The following PPM1K variants were observed in gnomAD, a reference collection of about 807,000 sequenced individuals.
PPM1K encodes protein phosphatase, Mg2+/Mn2+ dependent 1K, also known as protein phosphatase Mn(2+)-dependent 1K.
PPM1K carries 19 observed loss-of-function variants against 32.6 expected under a neutral mutation model. That is an observed-to-expected ratio of 0.58 (90% confidence interval 0.41 to 0.86). The LOEUF (loss-of-function observed/expected upper bound fraction) is 0.86, where lower values mean the gene tolerates loss of function less well. PPM1K is among the 40% of genes least tolerant of loss of function. The pLI, the probability that PPM1K is intolerant of heterozygous loss-of-function variation, is 0.00. For synonymous variants in PPM1K, 159 were observed against 165.3 expected, an observed-to-expected ratio of 0.96 and a Z score of 0.29; for missense variants, 362 against 461.2, an observed-to-expected ratio of 0.78 and a Z score of 1.97.
intron 3 of PPM1K, among the ~76,000 whole-genome samples, chr4:88,269,746 G>A (rs575204617): frequency 2.0e-5 from 3 of 152,106 alleles, no homozygotes; most frequent in Admixed American, 1.3e-4. Flanking sequence ...GTCCTGTTTG[G>A]GCCCAGAGCA....
At chr4:88,275,800 T>G in intron 3 of PPM1K, 1 of 985,402 alleles carries the variant, frequency 1.0e-6, no homozygotes, top group Non-Finnish European at 1.2e-6. Flanking sequence ...TTTCATTTCC[T>G]CTTTTCCTTC....
intron 3 of PPM1K, among the ~76,000 whole-genome samples, chr4:88,273,646 A>G (rs1044299011): frequency 6.6e-6 from 1 of 150,810 alleles, no homozygotes; most frequent in South Asian, 2.1e-4. Flanking sequence ...GCACCATTGC[A>G]CTCTAGCCTG....
intron 3 of PPM1K, among the ~76,000 whole-genome samples, chr4:88,269,142 A>C (rs577385474): frequency 6.6e-6 from 1 of 152,364 alleles, no homozygotes; most frequent in South Asian, 2.1e-4. Flanking sequence ...TGCTAACCTT[A>C]TTTGGCAAAC....
At chr4:88,271,697 T>C (rs888801307) in intron 3 of PPM1K, among the ~76,000 whole-genome samples, 2 of 152,166 alleles carry the variant, frequency 1.3e-5, no homozygotes, top group African/African-American at 2.4e-5. Flanking sequence ...AATCTACAGT[T>C]ACAGCATGGA....
At chr4:88,272,279 A>G (rs994558663) in intron 3 of PPM1K, among the ~76,000 whole-genome samples, 3 of 152,186 alleles carry the variant, frequency 2.0e-5, no homozygotes, top group African/African-American at 7.2e-5. Context: ...AGGGGATTCA[A>G]AAATGCTGTG....
intron 1 of PPM1K, among the ~76,000 whole-genome samples, chr4:88,280,439 G>A (rs897408078): frequency 6.6e-6 from 1 of 152,208 alleles, no homozygotes; most frequent in African/African-American, 2.4e-5. Context: ...GGGTTGGAGA[G>A]TGGCAGAGAC....
intron 3 of PPM1K, among the ~76,000 whole-genome samples, chr4:88,270,315 G>C (rs1454693030): frequency 6.6e-6 from 1 of 152,170 alleles, no homozygotes; most frequent in Non-Finnish European, 1.5e-5. Flanking sequence ...TAGTCATGCT[G>C]AACTTTCTTG....
Position 88,277,140 on chromosome 4 carries a change from T to C in PPM1K, c.541+3A>G. 1 of 1,604,476 alleles carries C rather than the reference T, an allele frequency of 6.2e-7. No homozygotes were observed. The highest frequency in any genetic ancestry group is 8.5e-7 in the Non-Finnish European group (1 of 1,171,238). ...ATCCAAGGAATGTGATAGTTTTACA[T>C]ACCATCAGCAGACAGGCGGGCATGA... On this transcript the variant is annotated splice_donor_region_variant and intron_variant, in intron 3 of 6. Transcript: ENST00000608933.
rs1002327075 is a variant in PPM1K, at chr4:88,262,326, C to T, written c.*269G>A. 2 of 241,648 alleles carry T rather than the reference C, an allele frequency of 8.3e-6. No homozygotes were observed. The highest frequency in any genetic ancestry group is 2.3e-5 in the African/African-American group (1 of 44,410). 15.0% of individuals were successfully genotyped at this position (241,648 alleles called of 1,614,324 possible). A position where few individuals can be genotyped will look rare whatever the true frequency, so the allele number is the denominator to read the frequency against. On this transcript the variant is annotated 3_prime_UTR_variant, in exon 7 of 7. Coordinates refer to ENST00000608933, the MANE Select transcript of PPM1K (RefSeq NM_152542.5). ...AGTCTTAAAAATTATTAATGTGACA[C>T]TCTCATCTCTCATCAAGTGTATCCA...
At chr4:88,274,617 A>G (rs551014682) in intron 3 of PPM1K, among the ~76,000 whole-genome samples, 2 of 152,330 alleles carry the variant, frequency 1.3e-5, no homozygotes, top group South Asian at 4.1e-4. Context: ...TCCTATCTAT[A>G]TACATAGGCC....
At position 88,260,517 on chromosome 4, in the gene PPM1K, A is replaced by G. The variant is rs1432906208; in HGVS notation, c.*2078T>C. The G allele has an allele frequency of 6.6e-6, 1 of 151,804 alleles. No homozygotes were observed. The highest frequency in any genetic ancestry group is 1.5e-5 in the Non-Finnish European group (1 of 67,976). 9.4% of individuals were successfully genotyped at this position (151,804 alleles called of 1,614,324 possible). Reference sequence around the variant, plus strand: ...TTTAGTTGCCTCCCTTTGGTTCCTCACCTCTCAGACAACAAACAGAATGTT... The same window carrying G: ...TTTAGTTGCCTCCCTTTGGTTCCTCGCCTCTCAGACAACAAACAGAATGTT... On this transcript the variant is annotated 3_prime_UTR_variant, in exon 7 of 7. Coordinates refer to ENST00000608933, the MANE Select transcript of PPM1K (RefSeq NM_152542.5).
Position 88,278,702 on chromosome 4 carries a change from G to T in PPM1K, c.-59-60C>A, listed in dbSNP as rs1405605837. On this transcript the variant is annotated intron_variant, in intron 1 of 6. Coordinates refer to ENST00000608933, the MANE Select transcript of PPM1K (RefSeq NM_152542.5). The surrounding 1 kb of genome is among the most constrained non-coding windows in gnomAD (Gnocchi z 4.2). Reference sequence around the variant, plus strand: ...AGGGAGAGAGGGGCAGAGGAGGAGAGGGAGAGAGACAGAGAGAGAGAGACC... The same window carrying T: ...AGGGAGAGAGGGGCAGAGGAGGAGATGGAGAGAGACAGAGAGAGAGAGACC... 16 of 759,578 alleles carry T rather than the reference G, an allele frequency of 2.1e-5. No homozygotes were observed. Among genetic ancestry groups the T allele is most frequent in the Non-Finnish European group, 3.4e-5 (16 of 476,082 alleles). 47.1% of individuals were successfully genotyped at this position (759,578 alleles called of 1,614,324 possible). A position where few individuals can be genotyped will look rare whatever the true frequency, so the allele number is the denominator to read the frequency against.
At chr4:88,263,013 G>T (rs747330440) in intron 6 of PPM1K, among the ~76,000 whole-genome samples, 1 of 152,188 alleles carries the variant, frequency 6.6e-6, no homozygotes, top group African/African-American at 2.4e-5. Flanking sequence ...GGACTAAGGG[G>T]CATTGGTATG....
chr4:88,282,336 G>A (rs187252515), intron 1 of PPM1K, among the ~76,000 whole-genome samples: 53 of 152,252 alleles, frequency 3.5e-4, no homozygotes, highest in Middle Eastern at 3.4e-3. Context: ...AAATTATTCA[G>A]GAGTTCTAAA....
intron 3 of PPM1K, among the ~76,000 whole-genome samples, chr4:88,272,958 A>G (rs1232078464): frequency 6.6e-6 from 1 of 152,248 alleles, no homozygotes; most frequent in Admixed American, 6.5e-5. Flanking sequence ...CTGAATGCAC[A>G]TAAAAGTCTC....
intron 3 of PPM1K, chr4:88,271,267 C>A: frequency 3.8e-6 from 1 of 264,106 alleles, no homozygotes; most frequent in Non-Finnish European, 7.7e-6. Flanking sequence ...ACCTGCAACA[C>A]AGGGGAGAGC....
At position 88,281,933 on chromosome 4, in the gene PPM1K, G is replaced by A. The variant is rs146618362; in HGVS notation, c.-60+2473C>T. Among the ~76,000 whole-genome samples, 4 of 152,090 alleles carry A rather than the reference G, an allele frequency of 2.6e-5. No homozygotes were observed. In the East Asian group the frequency reaches 7.7e-4, roughly 29 times the overall value. On this transcript the variant is annotated intron_variant, in intron 1 of 6. Coordinates refer to ENST00000608933, the MANE Select transcript of PPM1K (RefSeq NM_152542.5). ...TATGCTTTGACCAGCAAGGCAAGGG[G>A]AGTAGAACTTGTGATGTGAAAAACA...
At chr4:88,263,833 G>C (rs1731213424) in intron 6 of PPM1K, among the ~76,000 whole-genome samples, 1 of 152,028 alleles carries the variant, frequency 6.6e-6, no homozygotes, top group Non-Finnish European at 1.5e-5. Flanking sequence ...ACCACACCTG[G>C]ATACTATTCC....
chr4:88,268,797 T>C lies in PPM1K; in HGVS notation c.651A>G (p.Gly217=). The C allele has an allele frequency of 1.2e-6, 2 of 1,614,062 alleles. No individual in the cohort carries two copies. Among genetic ancestry groups the C allele is most frequent in the East Asian group, 2.2e-5 (1 of 44,874 alleles). ...GGTCAATGGTCAGCTTCATGGGTTT[T>C]CCTTTTCTACACAAAATAGCCCGGC... ...GDSRAILCRK[G]KPMKLTIDHT... is the part of the protein sequence containing the mutation. Residue 217 remains glycine, a synonymous_variant, in exon 4 of 7, where the codon GGA becomes GGG. Transcript: ENST00000608933.
Sources: gnomAD v4.1 joint callset for allele counts (sites outside exome capture counted in the v4.1 genomes callset) on GRCh38, gnomAD v4.1.1 for gene constraint, Gnocchi (gnomAD v3.1) non-coding constraint, MANE v1.5 for transcripts, NCBI Gene and HGNC (gene_info 2026-07-23, HGNC 2026-07-21) for gene names.